Variants in ALMS1 observed in about 807,000 individuals in gnomAD.
ALMS1 encodes centrosome-associated protein ALMS1.
Under a neutral mutation model 352.2 loss-of-function variants are expected in ALMS1, and 271 were observed. The ratio of observed to expected loss-of-function variants is 0.77; its 90% CI spans 0.70 to 0.85. The LOEUF is 0.85. Ranked by LOEUF, ALMS1 falls within the 40% of genes least tolerant of loss-of-function variation. The pLI, the probability that ALMS1 is intolerant of heterozygous loss-of-function variation, is 0.00. For missense variants in ALMS1, 5,445 were observed against 4,870.7 expected (o/e 1.12, Z -3.51); for synonymous variants, 1,865 against 1,761.2 (o/e 1.06, Z -1.48).
chr2:73,481,921 T>G (rs1177943980), intron 9 of ALMS1, among the ~76,000 whole-genome samples: 2 of 151,858 alleles, frequency 1.3e-5, no homozygotes, highest in African/African-American at 4.9e-5. Flanking sequence ...TTTTGTACAT[T>G]GATTTTGTAT....
At chr2:73,553,983 T>C (rs987320627) in intron 13 of ALMS1, among the ~76,000 whole-genome samples, 3 of 152,278 alleles carry the variant, frequency 2.0e-5, no homozygotes, top group South Asian at 4.1e-4. Context: ...CTAGAATAAA[T>C]GGCTAAAGAA....
At chr2:73,411,702 C>G (rs531831090) in intron 2 of ALMS1, among the ~76,000 whole-genome samples, 3 of 152,130 alleles carry the variant, frequency 2.0e-5, no homozygotes, top group Non-Finnish European at 1.5e-5. Flanking sequence ...TCTGAGTTAC[C>G]TTTATTTATT....
intron 15 of ALMS1, among the ~76,000 whole-genome samples, chr2:73,569,556 A>G (rs1245082500): frequency 2.0e-5 from 3 of 152,210 alleles, no homozygotes; most frequent in African/African-American, 7.2e-5. Flanking sequence ...CGCCTGTTCA[A>G]AATGGTATAC....
chr2:73,576,462 T>C (rs958080457), intron 16 of ALMS1, among the ~76,000 whole-genome samples: 8 of 152,128 alleles, frequency 5.3e-5, no homozygotes, highest in African/African-American at 1.9e-4. Context: ...CTGAATTTAT[T>C]AACTCTTTTT....
chr2:73,539,899 T>C (rs1286481574), intron 12 of ALMS1, among the ~76,000 whole-genome samples: 1 of 152,200 alleles, frequency 6.6e-6, no homozygotes, highest in African/African-American at 2.4e-5. Context: ...GTCTGATTGG[T>C]GTACTTGAAA....
chr2:73,535,431 A>G (rs1674007794), intron 12 of ALMS1, among the ~76,000 whole-genome samples: 1 of 152,210 alleles, frequency 6.6e-6, no homozygotes, highest in African/African-American at 2.4e-5. Flanking sequence ...CTAATGACAT[A>G]TGTGTAGCTG....
At position 73,608,524 on chromosome 2, in the gene ALMS1, A is replaced by G; in HGVS notation, c.12412A>G (p.Arg4138Gly). The change falls in exon 22 of 23, where the codon AGA (arginine) becomes GGA (glycine). Residue 4138 changes from arginine (R) to glycine (G), a missense_variant. Transcript: ENST00000613296. The stretch of plus-strand genomic sequence containing the variant: ...ACAGAAAAAGAGAGAAGAAGAGAAG[A>G]GAAAATCAGAATATAAGTCATACCG... ...EVQKKREEEK[R>G]KSEYKSYRLR... 6.2e-7 allele frequency: 1 copy of G among 1,614,150 alleles called. No homozygotes were observed. Among genetic ancestry groups the G allele is most frequent in the East Asian group, 2.2e-5 (1 of 44,886 alleles).
At chr2:73,486,871 G>A (rs922466064) in intron 9 of ALMS1, among the ~76,000 whole-genome samples, 1 of 152,072 alleles carries the variant, frequency 6.6e-6, no homozygotes, top group Non-Finnish European at 1.5e-5. Context: ...GCAACAAAGT[G>A]AGACCCAGTC....
intron 1 of ALMS1, among the ~76,000 whole-genome samples, chr2:73,396,801 C>T (rs56014217): frequency 0.22 from 33,409 of 151,604 alleles, 3,819 homozygotes; most frequent in African/African-American, 0.25. Flanking sequence ...CCTGCCACCA[C>T]GCCTGGCTAA....
chr2:73,533,890 A>G (rs1167092248), intron 11 of ALMS1, among the ~76,000 whole-genome samples: 1 of 152,178 alleles, frequency 6.6e-6, no homozygotes, highest in African/African-American at 2.4e-5. Flanking sequence ...TGAAAACTTC[A>G]TGAATGGTGT....
intron 13 of ALMS1, among the ~76,000 whole-genome samples, chr2:73,553,790 A>G (rs1003235290): frequency 6.6e-6 from 1 of 152,210 alleles, no homozygotes; most frequent in Non-Finnish European, 1.5e-5. Context: ...AAGGATATAT[A>G]TGGGTAGGAG....
Position 73,491,022 on chromosome 2 carries a change from C to G in ALMS1, c.9063C>G (p.Ser3021=). The G allele has an allele frequency of 6.2e-7, 1 of 1,614,184 alleles. No homozygotes were observed. The highest frequency in any genetic ancestry group is 1.3e-5 in the African/African-American group (1 of 75,040). ...NVEAKFNTVV[S]QSAPNHCTLA... ...AAGCCAAGTTCAATACTGTGGTCTC[C>G]CAGTCAGCCCCAAATCACTGTACAT... The change falls in exon 10 of 23, where the codon TCC becomes TCG. Residue 3021 remains serine, a synonymous_variant. Coordinates refer to ENST00000613296, the MANE Select transcript of ALMS1 (RefSeq NM_001378454.1).
chr2:73,575,592 A>G (rs547596725), intron 16 of ALMS1, among the ~76,000 whole-genome samples: 1 of 152,144 alleles, frequency 6.6e-6, no homozygotes, highest in East Asian at 1.9e-4. Context: ...ACATCTTTTT[A>G]TGTGCTTATT....
At chr2:73,412,566 G>C (rs191845567) in intron 2 of ALMS1, among the ~76,000 whole-genome samples, 9 of 152,250 alleles carry the variant, frequency 5.9e-5, no homozygotes, top group Middle Eastern at 3.4e-3. Context: ...GAAGTGGGTG[G>C]ATCACTTGAG....
chr2:73,388,926 A>G (rs1670590430), intron 1 of ALMS1, among the ~76,000 whole-genome samples: 2 of 152,150 alleles, frequency 1.3e-5, no homozygotes, highest in Middle Eastern at 6.8e-3. Flanking sequence ...TGTCTTTTTG[A>G]TGAAATGATT....
rs758895187 is a variant in ALMS1, at chr2:73,599,411, A to T, written c.11558A>T (p.His3853Leu). The T allele has an allele frequency of 7.4e-6, 12 of 1,613,248 alleles. No individual in the cohort carries two copies. Among genetic ancestry groups the T allele is most frequent in the Non-Finnish European group, 1.0e-5 (12 of 1,179,684 alleles). ...TRRRHIQVAN[H>L]VISSDSISSS... ...CTTTTATTTTTCTAGGTAGCAAACC[A>T]TGTGATTTCTTCTGACTCTATTTCC... is the stretch of plus-strand genomic sequence containing the variant. Residue 3853 changes from histidine (H) to leucine (L), a missense_variant, in exon 17 of 23, where the codon CAT (histidine) becomes CTT (leucine). Coordinates refer to ENST00000613296, the MANE Select transcript of ALMS1 (RefSeq NM_001378454.1).
chr2:73,424,334 C>A, intron 4 of ALMS1, 96 bp from the exon 5 acceptor site: 1 of 803,580 alleles, frequency 1.2e-6, no homozygotes, highest in Non-Finnish European at 1.8e-6. Flanking sequence ...TTCAAATAAA[C>A]TTGATTTCAG....
intron 16 of ALMS1, among the ~76,000 whole-genome samples, chr2:73,578,146 T>G (rs1029499666): frequency 4.5e-4 from 69 of 152,184 alleles, no homozygotes; most frequent in African/African-American, 1.4e-3. Flanking sequence ...TTTTGTCTCT[T>G]GTAACAATTT....
At chr2:73,527,975 T>G (rs950356020) in intron 11 of ALMS1, among the ~76,000 whole-genome samples, 2 of 152,186 alleles carry the variant, frequency 1.3e-5, no homozygotes, top group Non-Finnish European at 2.9e-5. Flanking sequence ...TCAAGAAATT[T>G]GTAAATTTCT....
Sources: allele counts gnomAD v4.1 joint callset (sites outside exome capture counted in the v4.1 genomes callset), GRCh38; gene constraint gnomAD v4.1.1; transcripts MANE v1.5; gene names NCBI Gene and HGNC (gene_info 2026-07-23, HGNC 2026-07-21).